The following CTNNA3 variants were observed in gnomAD, a reference collection of about 807,000 sequenced individuals.
CTNNA3 encodes catenin alpha 3, also known as catenin alpha-3.
Under a neutral mutation model 95.7 loss-of-function variants are expected in CTNNA3, and 76 were observed. The ratio of observed to expected loss-of-function variants is 0.79; its 90% CI spans 0.66 to 0.96. CTNNA3 has a LOEUF of 0.96. Among genes scored for constraint, CTNNA3 ranks in the 40% least tolerant of loss-of-function variants. The pLI is 0.00. For missense variants in CTNNA3, 1,191 were observed against 1,089.8 expected, an observed-to-expected ratio of 1.09 and a Z score of -1.31; for synonymous variants, 431 against 374.4, an observed-to-expected ratio of 1.15 and a Z score of -1.74.
intron 17 of CTNNA3, among the ~76,000 whole-genome samples, chr10:65,957,334 T>C (rs949524752): frequency 6.6e-6 from 1 of 152,204 alleles, no homozygotes. Flanking sequence ...GAGTCTTGAC[T>C]CTTTATCCAA....
intron 17 of CTNNA3, among the ~76,000 whole-genome samples, chr10:65,947,864 A>G (rs185362480): frequency 2.1e-3 from 327 of 152,362 alleles, no homozygotes; most frequent in Non-Finnish European, 3.3e-3. Flanking sequence ...GCTAGCATAT[A>G]CATAATTTAT....
chr10:66,962,629 T>A (rs1198254267), intron 7 of CTNNA3, among the ~76,000 whole-genome samples: 1 of 152,024 alleles, frequency 6.6e-6, no homozygotes, highest in Non-Finnish European at 1.5e-5. Context: ...GCCAGGATGT[T>A]CTCGATCTCC....
At chr10:66,984,632 T>C (rs923586096) in intron 7 of CTNNA3, among the ~76,000 whole-genome samples, 15 of 152,150 alleles carry the variant, frequency 9.9e-5, no homozygotes, top group Non-Finnish European at 2.1e-4. Context: ...TTAGAGTAAA[T>C]AGTAAATATA....
At chr10:66,483,944 G>A (rs975582381) in intron 11 of CTNNA3, among the ~76,000 whole-genome samples, 3 of 151,922 alleles carry the variant, frequency 2.0e-5, no homozygotes, top group Non-Finnish European at 4.4e-5. Context: ...TAATTTCCTC[G>A]TCATACTGTA....
At chr10:67,635,388 A>C (rs1307428184) in intron 2 of CTNNA3, among the ~76,000 whole-genome samples, 1 of 152,184 alleles carries the variant, frequency 6.6e-6, no homozygotes, top group Non-Finnish European at 1.5e-5. Context: ...TCAGGCCAAA[A>C]TCTTTGATGA....
At chr10:66,332,700 T>A (rs2132325427) in intron 12 of CTNNA3, among the ~76,000 whole-genome samples, 1 of 152,198 alleles carries the variant, frequency 6.6e-6, no homozygotes, top group Admixed American at 6.5e-5. Context: ...TTTTTTGTAG[T>A]GTCTCTGCCA....
intron 3 of CTNNA3, among the ~76,000 whole-genome samples, chr10:67,597,648 T>C (rs1842967758): frequency 6.6e-6 from 1 of 152,162 alleles, no homozygotes; most frequent in African/African-American, 2.4e-5. Context: ...CCTGGTCCAC[T>C]GGCAACAATA....
At position 67,348,358 on chromosome 10, in the gene CTNNA3, G is replaced by A. The variant is rs530615039; in HGVS notation, c.580-128488C>T. The stretch of plus-strand genomic sequence containing the variant: ...AGGAAACAATTGACAGGGTGAAAAC[G>A]CAACCTACAGAATAGGAAAAAATGT... On this transcript the variant is annotated intron_variant, in intron 5 of 17. Coordinates refer to ENST00000433211, the MANE Select transcript of CTNNA3 (RefSeq NM_013266.4). Among the ~76,000 whole-genome samples, 39 of 152,218 alleles carry A rather than the reference G, an allele frequency of 2.6e-4. 1 individual carries two copies. The South Asian group carries it at 7.1e-3, about 28-fold the overall frequency.
intron 9 of CTNNA3, among the ~76,000 whole-genome samples, chr10:66,657,761 A>G (rs1846118971): frequency 6.6e-6 from 1 of 152,210 alleles, no homozygotes; most frequent in African/African-American, 2.4e-5. Flanking sequence ...ATTGTTTAAA[A>G]TAAATTCTGC....
intron 7 of CTNNA3, among the ~76,000 whole-genome samples, chr10:66,875,299 C>T (rs1425342320): frequency 1.3e-5 from 2 of 151,692 alleles, no homozygotes; most frequent in Non-Finnish European, 2.9e-5. Flanking sequence ...AAGGCTACAG[C>T]TGAAAAATAA....
In CTNNA3 at chr10:67,307,466, G is replaced by A. The variant is rs1202826866; in HGVS notation, c.580-87596C>T. On this transcript the variant is annotated intron_variant, in intron 5 of 17. Coordinates refer to ENST00000433211, the MANE Select transcript of CTNNA3 (RefSeq NM_013266.4). ...CTATACAACATGCTACTGATTAATTGTTTGTTTGTTTGTTTGTTTGGTTGG... is the reference window on the plus strand; with the variant it reads ...CTATACAACATGCTACTGATTAATTATTTGTTTGTTTGTTTGTTTGGTTGG... Among the ~76,000 whole-genome samples, 3 of 152,022 alleles carry A rather than the reference G, an allele frequency of 2.0e-5. No individual in the cohort carries two copies. The South Asian group carries it at 6.3e-4, about 32-fold the overall frequency.
chr10:65,963,614 G>A (rs1392531841), intron 17 of CTNNA3, among the ~76,000 whole-genome samples: 1 of 152,032 alleles, frequency 6.6e-6, no homozygotes, highest in Non-Finnish European at 1.5e-5. Context: ...TACATTTTAT[G>A]TTTCTTAATT....
intron 7 of CTNNA3, chr10:67,013,053 T>A (rs1168743536): frequency 6.6e-6 from 1 of 152,186 alleles, no homozygotes; most frequent in Non-Finnish European, 1.5e-5. Context: ...AATACTGTTA[T>A]ACATATTATT....
At chr10:66,959,469 G>A (rs1006067275) in intron 7 of CTNNA3, among the ~76,000 whole-genome samples, 9 of 152,146 alleles carry the variant, frequency 5.9e-5, no homozygotes, top group Non-Finnish European at 1.2e-4. Context: ...ATTGGGCCAA[G>A]AGAACAAAAA....
intron 1 of CTNNA3, among the ~76,000 whole-genome samples, chr10:67,676,653 C>A (rs913595733): frequency 6.6e-6 from 1 of 152,092 alleles, no homozygotes; most frequent in Non-Finnish European, 1.5e-5. Flanking sequence ...GTGCTCTGTT[C>A]CTGGTACACA....
intron 5 of CTNNA3, among the ~76,000 whole-genome samples, chr10:67,301,658 A>C (rs1199500028): frequency 1.3e-5 from 2 of 152,134 alleles, no homozygotes; most frequent in African/African-American, 4.8e-5. Context: ...TAAGGAATGC[A>C]ATTTTGCCTT....
intron 7 of CTNNA3, among the ~76,000 whole-genome samples, chr10:66,986,495 TTG>T (rs1850735553): frequency 1.3e-5 from 2 of 152,018 alleles, no homozygotes; most frequent in Admixed American, 1.3e-4. Context: ...AGACTCCATC[TTG>T]CTAAACTAAA....
chr10:66,529,467 A>G (rs1696348120), intron 10 of CTNNA3, among the ~76,000 whole-genome samples: 1 of 147,702 alleles, frequency 6.8e-6, no homozygotes, highest in Admixed American at 6.9e-5. Context: ...TTTTTTAATA[A>G]AAAAACCTAT....
upstream of CTNNA3, among the ~76,000 whole-genome samples, chr10:67,700,503 A>G (rs549586609): frequency 6.6e-6 from 1 of 152,218 alleles, no homozygotes; most frequent in Admixed American, 6.5e-5. Context: ...CGCTGCTGAT[A>G]TCCAGCAAAC....
Sources: allele counts gnomAD v4.1 joint callset (sites outside exome capture counted in the v4.1 genomes callset), GRCh38; gene constraint gnomAD v4.1.1; transcripts MANE v1.5; gene names NCBI Gene and HGNC (gene_info 2026-07-23, HGNC 2026-07-21).